HBS1L: variants seen among roughly 807,000 people sequenced by gnomAD.
HBS1L encodes the protein HBS1-like protein.
Under a neutral mutation model 88.9 loss-of-function variants are expected in HBS1L, and 55 were observed. That is an observed-to-expected ratio of 0.62 (90% CI 0.50 to 0.77). HBS1L has a LOEUF of 0.77. Ranked by LOEUF, HBS1L falls within the 30% of genes least tolerant of loss-of-function variation. The probability of loss-of-function intolerance (pLI) is 0.00; values close to 1 mark genes in which losing one functional copy is unlikely to be tolerated. For missense variants in HBS1L, 741 were observed against 829.3 expected, an observed-to-expected ratio of 0.89 and a Z score of 1.31; for synonymous variants, 267 against 288.5, an observed-to-expected ratio of 0.93 and a Z score of 0.76.
At chr6:134,977,962 A>T (rs1028513903) in intron 15 of HBS1L, among the ~76,000 whole-genome samples, 2 of 152,046 alleles carry the variant, frequency 1.3e-5, no homozygotes, top group African/African-American at 4.8e-5. Context: ...AGGATAAGTA[A>T]CATTATTGTA....
intron 4 of HBS1L, chr6:135,037,126 G>C: frequency 6.4e-7 from 1 of 1,551,520 alleles, no homozygotes; most frequent in Non-Finnish European, 8.7e-7. Flanking sequence ...TCTTGTGGGA[G>C]AAGCTTTATG....
intron 4 of HBS1L, among the ~76,000 whole-genome samples, chr6:135,015,774 G>A (rs1261045054): frequency 6.6e-6 from 1 of 151,802 alleles, no homozygotes; most frequent in Non-Finnish European, 1.5e-5. Context: ...GTAGACATGG[G>A]GTTTCGCTGT....
At chr6:134,979,894 TAAG>T (rs1010274397) in intron 13 of HBS1L, among the ~76,000 whole-genome samples, 59 of 152,144 alleles carry the variant, frequency 3.9e-4, no homozygotes, top group African/African-American at 1.4e-3. Flanking sequence ...GAAATAGTGA[TAAG>T]AAAATTTAAT....
chr6:134,979,562 T>C (rs1774759999), intron 13 of HBS1L: 1 of 268,112 alleles, frequency 3.7e-6, no homozygotes, highest in Non-Finnish European at 7.2e-6. Context: ...GTATATTCAT[T>C]AAACAGGCCC....
chr6:134,965,992 T>C (rs897272373), intron 17 of HBS1L, among the ~76,000 whole-genome samples: 1 of 152,178 alleles, frequency 6.6e-6, no homozygotes, highest in Non-Finnish European at 1.5e-5. Flanking sequence ...AGATTCATAT[T>C]AATTATGATA....
intron 4 of HBS1L, among the ~76,000 whole-genome samples, chr6:135,016,484 C>T (rs1234513801): frequency 6.6e-6 from 1 of 152,170 alleles, no homozygotes; most frequent in Non-Finnish European, 1.5e-5. Context: ...ATACTGTCCA[C>T]TTAACATTCT....
intron 4 of HBS1L, among the ~76,000 whole-genome samples, chr6:135,025,950 A>G (rs1190747013): frequency 6.6e-6 from 1 of 152,228 alleles, no homozygotes; most frequent in Non-Finnish European, 1.5e-5. Flanking sequence ...CTCTGTAGAA[A>G]TAAAAGCCGC....
chr6:135,032,694 A>G (rs1174757289), intron 4 of HBS1L, among the ~76,000 whole-genome samples: 1 of 152,158 alleles, frequency 6.6e-6, no homozygotes, highest in African/African-American at 2.4e-5. Context: ...ATTCTTCTCT[A>G]TAACCGTATT....
chr6:134,978,665 AT>A lies in HBS1L; in HGVS notation c.1797+13del. 7.2e-7 allele frequency: 1 copy of A among 1,391,636 alleles called. No homozygotes were observed. The highest frequency in any genetic ancestry group is 1.0e-6 in the Non-Finnish European group (1 of 997,816). The allele number at this position is 1,391,636 out of a possible 1,614,324, so 86.2% of individuals were successfully genotyped here. ...TTTATAAAAACAGGAATAATAAAACATTTTGGAACTTACAGGAAATCCTTTA... is the reference window on the plus strand; with the variant it reads ...TTTATAAAAACAGGAATAATAAAACATTTGGAACTTACAGGAAATCCTTTA... On this transcript the variant is annotated intron_variant, in intron 15 of 17. Coordinates refer to ENST00000367837, the MANE Select transcript of HBS1L (RefSeq NM_006620.4).
chr6:135,007,422 C>T (rs1775644297), intron 4 of HBS1L, among the ~76,000 whole-genome samples: 1 of 152,072 alleles, frequency 6.6e-6, no homozygotes, highest in Non-Finnish European at 1.5e-5. Context: ...ATTTCAAGGA[C>T]ATCAATAAGT....
intron 1 of HBS1L, among the ~76,000 whole-genome samples, chr6:135,051,947 C>T (rs919587436): frequency 6.6e-5 from 10 of 152,166 alleles, no homozygotes; most frequent in African/African-American, 2.2e-4. Context: ...TGGGCAATTA[C>T]AAAACCATGT....
At chr6:135,010,885 T>G (rs1331663798) in intron 4 of HBS1L, among the ~76,000 whole-genome samples, 4 of 152,144 alleles carry the variant, frequency 2.6e-5, no homozygotes, top group Admixed American at 2.6e-4. Flanking sequence ...CATCTGCAAA[T>G]AATCCAATTA....
rs1160029533 is a variant in HBS1L, at chr6:134,982,484, G to A, written c.1571C>T (p.Pro524Leu). The change falls in exon 13 of 18, where the codon CCT becomes CTT. Residue 524 changes from proline (P) to leucine (L), a missense_variant. Physicochemically the swap from Pro to Leu is moderately conservative, Grantham distance 98. Transcript: ENST00000367837. ...IQTGDRLLAM[P>L]PNETCTVKGI... ...TTTCACGGTACAAGTTTCATTAGGA[G>A]GCATTGCCAGTAGTCGGTCACCAGT... is the stretch of plus-strand genomic sequence containing the variant. 2 of 1,607,552 alleles carry A rather than the reference G, an allele frequency of 1.2e-6. No homozygotes were observed. Among genetic ancestry groups the A allele is most frequent in the Non-Finnish European group, 1.7e-6 (2 of 1,174,750 alleles).
intron 13 of HBS1L, among the ~76,000 whole-genome samples, chr6:134,981,618 C>A (rs941411740): frequency 6.6e-6 from 1 of 151,686 alleles, no homozygotes; most frequent in Admixed American, 6.6e-5. Flanking sequence ...ATACTAAAAT[C>A]TAAAAAATTT....
rs1049307625 is a variant in HBS1L at position 135,050,520 on chromosome 6, C to T, written c.109+62G>A. 87 of 1,086,652 alleles carry T rather than the reference C, an allele frequency of 8.0e-5. 1 individual carries two copies. Among genetic ancestry groups the T allele is most frequent in the South Asian group, 5.8e-4 (42 of 72,612 alleles). 67.3% of individuals were successfully genotyped at this position (1,086,652 alleles called of 1,614,324 possible). ...CTCACAGAACACTCCAGTCCTTGAACGACTAACATTTACATTTTTAAACAC... is the reference window on the plus strand; with the variant it reads ...CTCACAGAACACTCCAGTCCTTGAATGACTAACATTTACATTTTTAAACAC... On this transcript the variant is annotated intron_variant, in intron 2 of 17. Transcript: ENST00000367837.
intron 4 of HBS1L, among the ~76,000 whole-genome samples, chr6:135,018,675 C>T (rs993590605): frequency 5.3e-5 from 8 of 151,908 alleles, no homozygotes; most frequent in Non-Finnish European, 2.9e-5. Flanking sequence ...AATATTATTA[C>T]TGTGACTGAA....
At chr6:135,044,617 A>C (rs940340386) in intron 2 of HBS1L, among the ~76,000 whole-genome samples, 2 of 152,200 alleles carry the variant, frequency 1.3e-5, no homozygotes, top group Admixed American at 6.5e-5. Context: ...TTTGTTTTAA[A>C]GTGGTCCTTA....
At chr6:134,993,927 A>T in intron 7 of HBS1L, 52 bp from the exon 8 acceptor site, 1 of 783,496 alleles carries the variant, frequency 1.3e-6, no homozygotes, top group Non-Finnish European at 2.1e-6. Context: ...AGTGCTATAG[A>T]GTAAATTAAT....
At chr6:135,024,067 G>T (rs1158041139) in intron 4 of HBS1L, among the ~76,000 whole-genome samples, 1 of 152,038 alleles carries the variant, frequency 6.6e-6, no homozygotes, top group Non-Finnish European at 1.5e-5. Flanking sequence ...TATCTACTCT[G>T]TTGAAAACTA....
Sources: allele counts gnomAD v4.1 joint callset (sites outside exome capture counted in the v4.1 genomes callset), GRCh38; gene constraint gnomAD v4.1.1; transcripts MANE v1.5; gene names NCBI Gene and HGNC (gene_info 2026-07-23, HGNC 2026-07-21).